Variants in SLC2A9 observed in about 807,000 individuals in gnomAD.
The protein encoded by SLC2A9 is solute carrier family 2 member 9.
Under a neutral mutation model 50.6 loss-of-function variants are expected in SLC2A9, and 39 were observed. The ratio of observed to expected loss-of-function variants is 0.77; its 90% CI spans 0.60 to 1.01. The LOEUF is 1.01. SLC2A9 is among the 50% of genes least tolerant of loss of function. The probability of loss-of-function intolerance (pLI) is 0.00; values close to 1 mark genes in which losing one functional copy is unlikely to be tolerated. For missense variants in SLC2A9, 686 were observed against 677.6 expected (o/e 1.01, Z -0.14); for synonymous variants, 324 against 276.9 (o/e 1.17, Z -1.69).
chr4:9,957,316 G>C (rs1482532041), intron 5 of SLC2A9, among the ~76,000 whole-genome samples: 1 of 152,144 alleles, frequency 6.6e-6, no homozygotes, highest in Non-Finnish European at 1.5e-5. Context: ...CCTCCAAAGA[G>C]AAAAGGCATT....
At chr4:9,866,973 T>C (rs1051990124) in intron 10 of SLC2A9, among the ~76,000 whole-genome samples, 1 of 152,176 alleles carries the variant, frequency 6.6e-6, no homozygotes, top group East Asian at 1.9e-4. Flanking sequence ...TTTTGGAGCC[T>C]AGAATCTCCT....
chr4:9,783,230 G>C, intron 3 of SLC2A9: 1 of 1,614,160 alleles, frequency 6.2e-7, no homozygotes, highest in East Asian at 2.2e-5. Context: ...CCAAGACATC[G>C]TCTTCCACAA....
chr4:9,874,992 G>C (rs1169284135), intron 10 of SLC2A9, among the ~76,000 whole-genome samples: 1 of 117,550 alleles, frequency 8.5e-6, no homozygotes, highest in African/African-American at 3.4e-5. Context: ...CCATAGGTTA[G>C]CGTCTGTCTA....
At chr4:9,958,247 T>C (rs1050912430) in intron 5 of SLC2A9, among the ~76,000 whole-genome samples, 5 of 152,228 alleles carry the variant, frequency 3.3e-5, no homozygotes, top group African/African-American at 9.6e-5. Flanking sequence ...TTTGTCTTCA[T>C]TGCATGTTTT....
At chr4:9,980,845 A>C (rs553110509) in intron 4 of SLC2A9, 108 bp from the exon 5 acceptor site, 5 of 1,418,848 alleles carry the variant, frequency 3.5e-6, no homozygotes, top group Admixed American at 1.8e-5. Context: ...ATTAAATAGC[A>C]CTGTAGCCAC....
rs539902087 is a variant in SLC2A9, at chr4:9,966,918, T to C, written c.681+13674A>G. Among the ~76,000 whole-genome samples the C allele has an allele frequency of 1.1e-4, 16 of 152,356 alleles. 1 individual carries two copies. In the South Asian group the frequency reaches 3.1e-3, roughly 30 times the overall value. On this transcript the variant is annotated intron_variant, in intron 5 of 11. Transcript: ENST00000264784. ...TGAATTTTCTGCTTCTGGCCATCCC[T>C]TAGTGCCTTTGATCTTTCCATTCTT... is the stretch of plus-strand genomic sequence containing the variant.
rs1741046523 is a variant in SLC2A9, at chr4:9,908,230, C to T, written c.1113+5G>A. The T allele has an allele frequency of 1.2e-6, 2 of 1,604,734 alleles. No homozygotes were observed. The highest frequency in any genetic ancestry group is 3.3e-5 in the Admixed American group (2 of 60,008). ...ATTCTCAGGAGTAACCCTCAGTTGA[C>T]TTACAGAGAAGACGGCAGCCAAAGT... On this transcript the variant is annotated splice_donor_5th_base_variant and intron_variant, in intron 8 of 11. Coordinates refer to ENST00000264784, the MANE Select transcript of SLC2A9 (RefSeq NM_020041.3).
chr4:9,796,561 A>G (rs920907152), downstream of SLC2A9, among the ~76,000 whole-genome samples: 1 of 152,224 alleles, frequency 6.6e-6, no homozygotes, highest in African/African-American at 2.4e-5. Context: ...TTAGTACTCA[A>G]TTAACTTTAT....
At chr4:9,877,322 GCTCCCT>G (rs1734464969) in intron 10 of SLC2A9, among the ~76,000 whole-genome samples, 1 of 152,224 alleles carries the variant, frequency 6.6e-6, no homozygotes, top group Non-Finnish European at 1.5e-5. Context: ...TGCTGGCTGA[GCTCCCT>G]CTTGGGGCAG....
intron 3 of SLC2A9, chr4:9,783,217 C>T: frequency 6.2e-7 from 1 of 1,614,228 alleles, no homozygotes; most frequent in East Asian, 2.2e-5. Context: ...TCATCTCCTA[C>T]AACCAAGACA....
At chr4:9,981,803 G>A (rs1360678525) in intron 4 of SLC2A9, among the ~76,000 whole-genome samples, 1 of 152,142 alleles carries the variant, frequency 6.6e-6, no homozygotes, top group Admixed American at 6.5e-5. Flanking sequence ...AATACTCCGG[G>A]AGAACCTGGC....
At chr4:9,771,336 A>G (rs1406087098) in exon 2 of SLC2A9, 1 of 392,898 alleles carries the variant, frequency 2.5e-6, no homozygotes, top group African/African-American at 2.1e-5. Context: ...AGGCACATTC[A>G]TTTCTGCAGG....
In SLC2A9 at chr4:9,988,127, G is replaced by A. The variant is rs143440569; in HGVS notation, c.411-2334C>T. ...AAGTGTGAAAGCAGGGAGACCAGCT[G>A]GGGAGCTACCACAACAGGTGAGTCA... On this transcript the variant is annotated intron_variant, in intron 3 of 11. Transcript: ENST00000264784. Among the ~76,000 whole-genome samples, 97 of 152,346 alleles carry A rather than the reference G, an allele frequency of 6.4e-4. 3 individuals are homozygous for A. The East Asian group carries it at 0.015, about 24-fold the overall frequency.
intron 3 of SLC2A9, among the ~76,000 whole-genome samples, chr4:9,987,215 G>C (rs1299763628): frequency 6.6e-6 from 1 of 152,176 alleles, no homozygotes. Flanking sequence ...CACTTCCCAG[G>C]TTCAAGTGAT....
rs369756496 is a variant in SLC2A9, at chr4:9,862,314, G to T, written c.1291+25253C>A. 1.2e-3 allele frequency among the ~76,000 whole-genome samples: 179 copies of T among 152,112 alleles called. 4 individuals are homozygous for T. Among genetic ancestry groups the T allele is most frequent in the African/African-American group, 4.1e-3 (170 of 41,404 alleles). ...CTATTTATTTGTTTTCCCCCAAGTT[G>T]CTGTCACTAGAGACTCAACGTTCTT... On this transcript the variant is annotated intron_variant, in intron 10 of 11. Coordinates refer to ENST00000264784, the MANE Select transcript of SLC2A9 (RefSeq NM_020041.3).
intron 11 of SLC2A9, among the ~76,000 whole-genome samples, chr4:9,832,218 A>T (rs1488245927): frequency 6.6e-6 from 1 of 152,094 alleles, no homozygotes; most frequent in African/African-American, 2.4e-5. Context: ...CGTTGCTCCC[A>T]TGGGCGGGCG....
At chr4:9,897,707 T>C (rs1189829348) in intron 8 of SLC2A9, among the ~76,000 whole-genome samples, 1 of 151,952 alleles carries the variant, frequency 6.6e-6, no homozygotes, top group East Asian at 1.9e-4. Context: ...GCCAACATGA[T>C]GAAACCCTGT....
chr4:9,861,966 C>T (rs1024245518), intron 10 of SLC2A9, among the ~76,000 whole-genome samples: 1 of 152,218 alleles, frequency 6.6e-6, no homozygotes, highest in East Asian at 1.9e-4. Context: ...ATGAGATCTT[C>T]TATCCTCCGG....
chr4:9,786,756 CT>C (rs1226161205), intron 3 of SLC2A9, among the ~76,000 whole-genome samples: 1 of 152,178 alleles, frequency 6.6e-6, no homozygotes, highest in African/African-American at 2.4e-5. Context: ...AGGGTTCACC[CT>C]AGGTCAGTGG....
Sources: gnomAD v4.1 joint callset for allele counts (sites outside exome capture counted in the v4.1 genomes callset) on GRCh38, gnomAD v4.1.1 for gene constraint, MANE v1.5 for transcripts, NCBI Gene and HGNC (gene_info 2026-07-23, HGNC 2026-07-21) for gene names.